DHX29: variants seen among roughly 807,000 people sequenced by gnomAD.
DHX29 encodes the protein ATP-dependent RNA helicase DHX29.
In DHX29, 79 loss-of-function variants were observed where a neutral mutation model predicts 167.9. The ratio of observed to expected loss-of-function variants is 0.47; its 90% CI spans 0.39 to 0.57. The LOEUF (loss-of-function observed/expected upper bound fraction) is 0.57. Among genes scored for constraint, DHX29 ranks in the 20% least tolerant of loss-of-function variants. The probability of loss-of-function intolerance (pLI) is 0.00; values close to 1 mark genes in which losing one functional copy is unlikely to be tolerated. For missense variants in DHX29, 1,347 were observed against 1,593.4 expected, an observed-to-expected ratio of 0.85 and a Z score of 2.63; for synonymous variants, 530 against 546.0, an observed-to-expected ratio of 0.97 and a Z score of 0.41.
chr5:55,294,332 A>C (rs1446476388), intron 5 of DHX29, among the ~76,000 whole-genome samples, 187 bp from the exon 6 acceptor site: 1 of 152,236 alleles, frequency 6.6e-6, no homozygotes, highest in Admixed American at 6.5e-5. Flanking sequence ...CAAAATCCAA[A>C]GAATATGTTT....
chr5:55,289,144 A>G (rs1747900774), intron 8 of DHX29, 126 bp downstream of exon 8: 3 of 1,066,868 alleles, frequency 2.8e-6, no homozygotes, highest in Non-Finnish European at 2.5e-6. Context: ...GACAGCTTAT[A>G]AAGTGTAACT....
chr5:55,294,166 T>A (rs754245447), intron 5 of DHX29, 21 bp from the exon 6 acceptor site: 1 of 1,561,110 alleles, frequency 6.4e-7, no homozygotes, highest in East Asian at 2.3e-5. Context: ...AAAACAAATA[T>A]CTGAAAAACC....
At chr5:55,268,380 G>C (rs1487378261) in intron 21 of DHX29, among the ~76,000 whole-genome samples, 1 of 152,148 alleles carries the variant, frequency 6.6e-6, no homozygotes, top group African/African-American at 2.4e-5. Flanking sequence ...CAAACAAAGA[G>C]AGACTATAGT....
At chr5:55,267,117 G>A (rs1326334478) in intron 23 of DHX29, 21 bp downstream of exon 23, 3 of 1,488,532 alleles carry the variant, frequency 2.0e-6, no homozygotes, top group Non-Finnish European at 2.8e-6. Flanking sequence ...CTCTGAGTGA[G>A]AGATCCATAT....
intron 4 of DHX29, among the ~76,000 whole-genome samples, 192 bp from the exon 5 acceptor site, chr5:55,295,716 T>C (rs530791729): frequency 6.6e-6 from 1 of 152,336 alleles, no homozygotes; most frequent in East Asian, 1.9e-4. Context: ...AACGTACTCA[T>C]CAGATGATAG....
intron 8 of DHX29, among the ~76,000 whole-genome samples, chr5:55,286,836 G>T (rs1342800155): frequency 1.3e-5 from 2 of 152,168 alleles, no homozygotes; most frequent in Admixed American, 1.3e-4. Flanking sequence ...TGAAAATTCT[G>T]TTGAATAGTG....
intron 8 of DHX29, among the ~76,000 whole-genome samples, chr5:55,287,959 G>A (rs922495562): frequency 1.2e-3 from 173 of 144,974 alleles, no homozygotes; most frequent in Middle Eastern, 4.1e-3. Context: ...AAAAAAGAAA[G>A]AAAGAAAAAG....
At chr5:55,270,044 G>A (rs1017276010) in intron 20 of DHX29, among the ~76,000 whole-genome samples, 2 of 152,048 alleles carry the variant, frequency 1.3e-5, no homozygotes, top group African/African-American at 2.4e-5. Flanking sequence ...GAGCTGCCCT[G>A]TACACTGTCA....
At position 55,267,711 on chromosome 5, in the gene DHX29, G is replaced by C. The variant is rs1746649141; in HGVS notation, c.3406C>G (p.Leu1136Val). ...SALAMADSDH[L>V]TIYNAYLGWK... ...CCTAGATATGCATTGTAGATCGTCA[G>C]GTGGTCTGAATCCGCCATGGCCAAA... The change falls in exon 22 of 27, where the codon CTG becomes GTG. Residue 1136 changes from leucine (L) to valine (V), a missense_variant. By Grantham distance (32) the Leu-to-Val change is conservative. Coordinates refer to ENST00000251636, the MANE Select transcript of DHX29 (RefSeq NM_019030.4). The C allele has an allele frequency of 1.9e-6, 3 of 1,601,346 alleles. No individual in the cohort carries two copies. The highest frequency in any genetic ancestry group is 2.6e-6 in the Non-Finnish European group (3 of 1,173,992).
In DHX29 at chr5:55,277,242, A is replaced by G. The variant is rs771149788; in HGVS notation, c.2150T>C (p.Ile717Thr). ...ACGTTTCTGTAAAATTTCCTTCAAG[A>G]TAATTAGTAGGAAGTCTGACTGGAC... ...RSVQSDFLLI[I>T]LKEILQKRSD... Residue 717 changes from isoleucine to threonine, a missense_variant, in exon 13 of 27, where the codon ATC becomes ACC. Physicochemically the swap from Ile to Thr is moderately conservative, Grantham distance 89. Around this residue, in one of 3 missense-constraint regions of DHX29, gnomAD observed 882 missense variants for 1,082.4 expected, o/e 0.81. Coordinates refer to ENST00000251636, the MANE Select transcript of DHX29 (RefSeq NM_019030.4). 2.0e-5 allele frequency: 32 copies of G among 1,609,600 alleles called. No homozygotes were observed. Among genetic ancestry groups the G allele is most frequent in the Non-Finnish European group, 2.5e-5 (29 of 1,177,070 alleles).
At chr5:55,283,051 A>G (rs904995252) in intron 11 of DHX29, 152 bp downstream of exon 11, 18 of 719,384 alleles carry the variant, frequency 2.5e-5, no homozygotes, top group Admixed American at 1.9e-4. Flanking sequence ...TATCACATCT[A>G]TCAAAGAAAA....
intron 26 of DHX29, 43 bp from the exon 27 acceptor site, chr5:55,256,583 T>C (rs1460564403): frequency 1.3e-6 from 2 of 1,560,744 alleles, no homozygotes; most frequent in South Asian, 2.4e-5. Flanking sequence ...AATGCAACAT[T>C]GTCTAATTTT....
chr5:55,287,580 ATT>A (rs202025898), intron 8 of DHX29, among the ~76,000 whole-genome samples: 51 of 151,972 alleles, frequency 3.4e-4, no homozygotes, highest in African/African-American at 1.2e-3. Flanking sequence ...TTAACTCAGA[ATT>A]TTTTTTTAAA....
intron 6 of DHX29, 92 bp from the exon 7 acceptor site, chr5:55,290,436 A>T (rs1747984952): frequency 3.7e-6 from 5 of 1,353,966 alleles, no homozygotes; most frequent in Non-Finnish European, 4.9e-6. Context: ...AATCTGTGAT[A>T]TTTTTACCTT....
At chr5:55,287,979 A>G (rs1418495914) in intron 8 of DHX29, among the ~76,000 whole-genome samples, 1 of 151,372 alleles carries the variant, frequency 6.6e-6, no homozygotes, top group Non-Finnish European at 1.5e-5. Flanking sequence ...GGCTGGGCAC[A>G]GTGGCTCACG....
In DHX29 at chr5:55,295,528, A is replaced by C; in HGVS notation, c.506-4T>G. On this transcript the variant is annotated splice_region_variant and splice_polypyrimidine_tract_variant and intron_variant, in intron 4 of 26. Coordinates refer to ENST00000251636, the MANE Select transcript of DHX29 (RefSeq NM_019030.4). Reference sequence around the variant, plus strand: ...CTGAATCCTTCAGGAAGTGCATCTTAAAATAAAAGAAACTATGCTGAAAAT... The same window carrying C: ...CTGAATCCTTCAGGAAGTGCATCTTCAAATAAAAGAAACTATGCTGAAAAT... 1 of 1,608,510 alleles carries C rather than the reference A, an allele frequency of 6.2e-7. No individual in the cohort carries two copies. The highest frequency in any genetic ancestry group is 1.1e-5 in the South Asian group (1 of 89,876).
At chr5:55,301,441 T>C (rs934812058) in intron 1 of DHX29, among the ~76,000 whole-genome samples, 1 of 152,090 alleles carries the variant, frequency 6.6e-6, no homozygotes, top group Non-Finnish European at 1.5e-5. Flanking sequence ...AGGCCAGGCG[T>C]GGTGGCTCAC....
At chr5:55,279,978 G>A (rs1338163536) in intron 12 of DHX29, among the ~76,000 whole-genome samples, 1 of 151,998 alleles carries the variant, frequency 6.6e-6, no homozygotes, top group Admixed American at 6.6e-5. Context: ...AATTTGGCTG[G>A]AAGCACACTA....
At chr5:55,278,665 G>C (rs114258734) in intron 12 of DHX29, among the ~76,000 whole-genome samples, 1 of 152,158 alleles carries the variant, frequency 6.6e-6, no homozygotes, top group Non-Finnish European at 1.5e-5. Context: ...GGTCAAGAAG[G>C]CTACTAAGAC....
Sources: allele counts gnomAD v4.1 joint callset (sites outside exome capture counted in the v4.1 genomes callset), GRCh38; gene constraint gnomAD v4.1.1; regional missense constraint gnomAD v4.1.1; transcripts MANE v1.5; gene names NCBI Gene and HGNC (gene_info 2026-07-23, HGNC 2026-07-21).